BCL2L1: variants seen among roughly 807,000 people sequenced by gnomAD.
BCL2L1 encodes the protein bcl-2-like protein 1.
Under a neutral mutation model 18.7 loss-of-function variants are expected in BCL2L1, and 1 was observed. That is an observed-to-expected ratio of 0.05 (90% CI 0.02 to 0.25). The LOEUF (loss-of-function observed/expected upper bound fraction) is 0.25, where lower values mean the gene tolerates loss of function less well. Among genes scored for constraint, BCL2L1 ranks in the 10% least tolerant of loss-of-function variants. The pLI, the probability that BCL2L1 is intolerant of heterozygous loss-of-function variation, is 1.00. For missense variants in BCL2L1, 207 were observed against 304.9 expected, an observed-to-expected ratio of 0.68 and a Z score of 2.39; for synonymous variants, 103 against 122.7, an observed-to-expected ratio of 0.84 and a Z score of 1.06.
chr20:31,676,519 C>T (rs969274612), intron 2 of BCL2L1, among the ~76,000 whole-genome samples: 3 of 152,122 alleles, frequency 2.0e-5, no homozygotes, highest in African/African-American at 7.2e-5. Context: ...GTCATCTCAA[C>T]TCTCTCATTT....
intron 2 of BCL2L1, among the ~76,000 whole-genome samples, chr20:31,668,481 AT>A (rs1362565860): frequency 6.7e-6 from 1 of 148,242 alleles, no homozygotes; most frequent in Non-Finnish European, 1.5e-5. Context: ...TAATTTTTAT[AT>A]TTTTAGTAGA....
intron 2 of BCL2L1, among the ~76,000 whole-genome samples, chr20:31,709,528 A>G (rs2061420043): frequency 6.6e-6 from 1 of 151,798 alleles, no homozygotes; most frequent in Non-Finnish European, 1.5e-5. Flanking sequence ...CACCCTGCTA[A>G]TTTTTGTATT....
intron 2 of BCL2L1, among the ~76,000 whole-genome samples, chr20:31,689,527 T>C (rs867718066): frequency 2.0e-5 from 3 of 151,800 alleles, no homozygotes; most frequent in South Asian, 2.1e-4. Flanking sequence ...CTAGAGGCAG[T>C]AGTAGTCAGG....
chr20:31,694,274 G>A (rs1304419251), intron 2 of BCL2L1, among the ~76,000 whole-genome samples: 1 of 149,884 alleles, frequency 6.7e-6, no homozygotes, highest in Non-Finnish European at 1.5e-5. Context: ...TGGTAAGGAA[G>A]TTTGCTGGTG....
intron 2 of BCL2L1, among the ~76,000 whole-genome samples, chr20:31,671,311 G>GATGAA (rs2060665472): frequency 7.2e-5 from 11 of 152,014 alleles, no homozygotes; most frequent in Non-Finnish European, 1.3e-4. Flanking sequence ...GAGATGCCCA[G>GATGAA]GCTAGTATCA....
At chr20:31,677,497 T>C (rs1292765774) in intron 2 of BCL2L1, among the ~76,000 whole-genome samples, 1 of 152,186 alleles carries the variant, frequency 6.6e-6, no homozygotes, top group African/African-American at 2.4e-5. Context: ...AATGTCCTTA[T>C]TTCAAAAGAA....
At chr20:31,719,997 A>C in intron 2 of BCL2L1, 1 of 690,514 alleles carries the variant, frequency 1.4e-6, no homozygotes, top group Non-Finnish European at 1.8e-6. Flanking sequence ...GCAGGAGGGA[A>C]CAGGAGAGGT....
chr20:31,706,278 A>G (rs1033059699), intron 2 of BCL2L1, among the ~76,000 whole-genome samples: 4 of 152,120 alleles, frequency 2.6e-5, no homozygotes, highest in African/African-American at 9.7e-5. Context: ...ACTCACTTCT[A>G]CTTCCCATCT....
At chr20:31,707,760 A>G (rs1296401570) in intron 2 of BCL2L1, among the ~76,000 whole-genome samples, 1 of 151,366 alleles carries the variant, frequency 6.6e-6, no homozygotes, top group Non-Finnish European at 1.5e-5. Flanking sequence ...CCTGGGCAAC[A>G]AGAGCGAAAC....
chr20:31,723,538 G>C, upstream of BCL2L1: 1 of 984,734 alleles, frequency 1.0e-6, no homozygotes, highest in Non-Finnish European at 1.2e-6. Flanking sequence ...CCGGGTACCC[G>C]CCGAGCCACC....
At chr20:31,692,692 C>T (rs982611407) in intron 2 of BCL2L1, among the ~76,000 whole-genome samples, 1 of 152,044 alleles carries the variant, frequency 6.6e-6, no homozygotes, top group Non-Finnish European at 1.5e-5. Context: ...TGGTGGATCA[C>T]GAGGTCAGGA....
At chr20:31,674,995 C>T (rs1053667723) in intron 2 of BCL2L1, among the ~76,000 whole-genome samples, 1 of 152,054 alleles carries the variant, frequency 6.6e-6, no homozygotes. Context: ...TAGCCTGAGG[C>T]CATCAGCTGA....
chr20:31,709,373 T>G (rs941557011), intron 2 of BCL2L1, among the ~76,000 whole-genome samples: 2 of 152,072 alleles, frequency 1.3e-5, no homozygotes, highest in Admixed American at 6.5e-5. Context: ...TTTTGGTGTG[T>G]GTGTGTGTGG....
chr20:31,723,510 C>T (rs1423512968), upstream of BCL2L1: 2 of 985,108 alleles, frequency 2.0e-6, no homozygotes, highest in Non-Finnish European at 1.2e-6. Context: ...GGCCTAGCGG[C>T]TTCTCGAGCT....
intron 2 of BCL2L1, 148 bp downstream of exon 2, chr20:31,721,507 G>A (rs2061630021): frequency 1.1e-6 from 1 of 906,438 alleles, no homozygotes; most frequent in Non-Finnish European, 1.6e-6. Flanking sequence ...TTAACCTCTT[G>A]TGGTGAAATG....
intron 2 of BCL2L1, among the ~76,000 whole-genome samples, chr20:31,709,748 T>C (rs985516659): frequency 7.0e-6 from 1 of 143,524 alleles, no homozygotes; most frequent in African/African-American, 2.6e-5. Context: ...GGCAGGAGAA[T>C]GGCGTCAACC....
At chr20:31,713,974 G>T (rs1388660328) in intron 2 of BCL2L1, among the ~76,000 whole-genome samples, 1 of 152,112 alleles carries the variant, frequency 6.6e-6, no homozygotes, top group Admixed American at 6.5e-5. Flanking sequence ...ACCTCTCTGG[G>T]TGGTTATAAG....
chr20:31,712,477 C>T (rs1169116202), intron 2 of BCL2L1, among the ~76,000 whole-genome samples: 1 of 152,284 alleles, frequency 6.6e-6, no homozygotes, highest in East Asian at 1.9e-4. Context: ...GTGTTAGATA[C>T]TATTAATAGT....
Position 31,721,897 on chromosome 20 carries a change from G to A in BCL2L1, c.322C>T (p.Leu108=), listed in dbSNP as rs2122875361. The A allele has an allele frequency of 6.2e-7, 1 of 1,614,198 alleles. No homozygotes were observed. The highest frequency in any genetic ancestry group is 1.6e-4 in the Middle Eastern group (1 of 6,062). Residue 108 remains leucine (L), a synonymous_variant, in exon 2 of 3, where the codon CTG becomes TTG. Transcript: ENST00000307677. ...GGGGTGATGTGGAGCTGGGATGTCA[G>A]GTCACTGAATGCCCGCCGGTACCGC... ...ELRYRRAFSD[L]TSQLHITPGT...
Sources: gnomAD v4.1 joint callset for allele counts (sites outside exome capture counted in the v4.1 genomes callset) on GRCh38, gnomAD v4.1.1 for gene constraint, MANE v1.5 for transcripts, NCBI Gene and HGNC (gene_info 2026-07-23, HGNC 2026-07-21) for gene names.